Variants in GRM8 observed in about 807,000 individuals in gnomAD.
GRM8 encodes metabotropic glutamate receptor 8.
A neutral mutation model predicts 87.2 loss-of-function variants in GRM8; 47 were observed. The observed-to-expected ratio is 0.54, with a 90% CI of 0.43 to 0.69. The LOEUF (loss-of-function observed/expected upper bound fraction) is 0.69. Ranked by LOEUF, GRM8 falls within the 30% of genes least tolerant of loss-of-function variation. The pLI, the probability that GRM8 is intolerant of heterozygous loss-of-function variation, is 0.00. For synonymous variants in GRM8, 396 were observed against 404.5 expected, an observed-to-expected ratio of 0.98 and a Z score of 0.25; for missense variants, 1,019 against 1,139.2, an observed-to-expected ratio of 0.89 and a Z score of 1.52.
At chr7:126,798,165 AT>A (rs5887309) in intron 6 of GRM8, among the ~76,000 whole-genome samples, 72,322 of 150,688 alleles carry the variant, frequency 0.48, 17,736 homozygotes, top group African/African-American at 0.56. Flanking sequence ...ACCTTAGAGC[AT>A]TTTTTTTTTC....
intron 2 of GRM8, among the ~76,000 whole-genome samples, chr7:127,125,229 A>C (rs762677117): frequency 3.5e-4 from 53 of 152,154 alleles, no homozygotes; most frequent in Non-Finnish European, 8.8e-5. Context: ...ATGTTTTCTA[A>C]ACAAACTATA....
intron 7 of GRM8, among the ~76,000 whole-genome samples, chr7:126,652,775 A>C (rs1246803960): frequency 6.6e-6 from 1 of 152,040 alleles, no homozygotes; most frequent in Non-Finnish European, 1.5e-5. Flanking sequence ...TTCCTTAATA[A>C]ACTCCCCTTT....
chr7:126,887,795 G>T (rs138718082), intron 6 of GRM8, among the ~76,000 whole-genome samples: 11 of 152,170 alleles, frequency 7.2e-5, no homozygotes, highest in African/African-American at 2.4e-4. Flanking sequence ...ACACTCAAGC[G>T]GGGCTTTGTG....
chr7:126,670,659 G>T (rs1258262637), intron 7 of GRM8, among the ~76,000 whole-genome samples: 1 of 152,126 alleles, frequency 6.6e-6, no homozygotes, highest in Non-Finnish European at 1.5e-5. Flanking sequence ...TGTAACATTG[G>T]AATAAAGGAA....
intron 3 of GRM8, among the ~76,000 whole-genome samples, chr7:127,049,010 A>C (rs1022887749): frequency 6.6e-5 from 10 of 152,158 alleles, no homozygotes; most frequent in Non-Finnish European, 1.3e-4. Context: ...TAGCCCTAGG[A>C]ACTAGAGGCT....
intron 6 of GRM8, among the ~76,000 whole-genome samples, chr7:126,831,787 C>G (rs534365083): frequency 2.0e-5 from 3 of 152,316 alleles, no homozygotes; most frequent in Admixed American, 6.5e-5. Context: ...ATGGCTCACA[C>G]TGGGAGCTGT....
intron 6 of GRM8, among the ~76,000 whole-genome samples, chr7:126,825,206 A>G (rs945563120): frequency 6.6e-6 from 1 of 152,054 alleles, no homozygotes; most frequent in Admixed American, 6.5e-5. Context: ...AGCTGGGACT[A>G]AAAATGCACA....
At chr7:127,248,096 T>A (rs1014965670) in intron 1 of GRM8, among the ~76,000 whole-genome samples, 3 of 152,248 alleles carry the variant, frequency 2.0e-5, no homozygotes, top group African/African-American at 7.2e-5. Context: ...GAATTCAATT[T>A]GTGCCTTTAT....
chr7:127,198,158 T>C (rs2116534250), intron 2 of GRM8, among the ~76,000 whole-genome samples: 1 of 152,364 alleles, frequency 6.6e-6, no homozygotes, highest in Non-Finnish European at 1.5e-5. Context: ...TGTATAATGA[T>C]CAAATCATGG....
intron 2 of GRM8, among the ~76,000 whole-genome samples, chr7:127,204,825 G>A (rs1795811792): frequency 6.6e-6 from 1 of 152,166 alleles, no homozygotes; most frequent in African/African-American, 2.4e-5. Context: ...ACCCAGACAA[G>A]AAATGAAAAG....
chr7:127,105,268 CAA>C (rs1825700519), intron 3 of GRM8: 1 of 152,118 alleles, frequency 6.6e-6, no homozygotes, highest in Non-Finnish European at 1.5e-5. Context: ...TCCCAGAGAG[CAA>C]AGATTATGGC....
Position 127,075,897 on chromosome 7 carries a change from G to A in GRM8, c.727+30599C>T, listed in dbSNP as rs988629862. On this transcript the variant is annotated intron_variant, in intron 3 of 10. Coordinates refer to ENST00000339582, the MANE Select transcript of GRM8 (RefSeq NM_000845.3). Reference sequence around the variant, plus strand: ...CTGACAAGGGTAGCATTAGTTAGGCGAATGACTCCCTATCTTATTCACCTT... The same window carrying A: ...CTGACAAGGGTAGCATTAGTTAGGCAAATGACTCCCTATCTTATTCACCTT... 2.6e-5 allele frequency: 6 copies of A among 230,472 alleles called. No homozygotes were observed. In the South Asian group the frequency reaches 2.8e-4, roughly 11 times the overall value. 14.3% of individuals were successfully genotyped at this position (230,472 alleles called of 1,614,324 possible).
At chr7:126,880,765 A>G (rs1799950917) in intron 6 of GRM8, among the ~76,000 whole-genome samples, 1 of 152,126 alleles carries the variant, frequency 6.6e-6, no homozygotes, top group Non-Finnish European at 1.5e-5. Flanking sequence ...GCTTATTTTA[A>G]AAGCCTTTTA....
rs1196450884 is a variant in GRM8 at position 127,076,328 on chromosome 7, A to G, written c.727+30168T>C. ...CCCTCTATTTCTGTTCCATGTTCAGATCCATCTTGAGAGCACAGCAAACAC... is the reference window on the plus strand; with the variant it reads ...CCCTCTATTTCTGTTCCATGTTCAGGTCCATCTTGAGAGCACAGCAAACAC... On this transcript the variant is annotated intron_variant, in intron 3 of 10. Transcript: ENST00000339582. 1.0e-5 allele frequency: 4 copies of G among 388,338 alleles called. No homozygotes were observed. The Admixed American group carries it at 1.2e-4, about 12-fold the overall frequency. 24.1% of individuals were successfully genotyped at this position (388,338 alleles called of 1,614,324 possible). A position where few individuals can be genotyped will look rare whatever the true frequency, so the allele number is the denominator to read the frequency against.
intron 7 of GRM8, among the ~76,000 whole-genome samples, chr7:126,735,388 A>G (rs1442469486): frequency 6.6e-6 from 1 of 152,092 alleles, no homozygotes; most frequent in Non-Finnish European, 1.5e-5. Context: ...TTAAATAATA[A>G]TAAAATTAAG....
chr7:127,174,197 C>A (rs1368010291), intron 2 of GRM8, among the ~76,000 whole-genome samples: 1 of 152,142 alleles, frequency 6.6e-6, no homozygotes, highest in Non-Finnish European at 1.5e-5. Context: ...CATTTGTTTC[C>A]CTCTTTCACT....
intron 8 of GRM8, among the ~76,000 whole-genome samples, chr7:126,552,130 A>G (rs1941231369): frequency 6.6e-6 from 1 of 152,112 alleles, no homozygotes; most frequent in African/African-American, 2.4e-5. Context: ...AATTATTTCA[A>G]ATGCCTCGTC....
Position 126,969,327 on chromosome 7 carries a change from C to T in GRM8, c.728-64644G>A, listed in dbSNP as rs929632305. On this transcript the variant is annotated intron_variant, in intron 3 of 10. Coordinates refer to ENST00000339582, the MANE Select transcript of GRM8 (RefSeq NM_000845.3). ...TGTGATGCTGTTACAGCATTTTACC[C>T]ACAGTAAAAGTTCTTTCAAAATTGG... Among the ~76,000 whole-genome samples, 97 of 152,152 alleles carry T rather than the reference C, an allele frequency of 6.4e-4. 1 individual carries two copies. The highest frequency in any genetic ancestry group is 4.9e-4 in the Non-Finnish European group (33 of 68,032).
chr7:126,810,671 C>G (rs552067783), intron 6 of GRM8, among the ~76,000 whole-genome samples: 36 of 152,218 alleles, frequency 2.4e-4, no homozygotes, highest in African/African-American at 7.2e-4. Flanking sequence ...CTACAGTACC[C>G]TAAGTCCTCC....
Sources: gnomAD v4.1 joint callset for allele counts (sites outside exome capture counted in the v4.1 genomes callset) on GRCh38, gnomAD v4.1.1 for gene constraint, MANE v1.5 for transcripts, NCBI Gene and HGNC (gene_info 2026-07-23, HGNC 2026-07-21) for gene names.